Variants in KLHL1 observed in about 807,000 individuals in gnomAD.
The protein encoded by KLHL1 is kelch-like protein 1.
KLHL1 carries 47 observed loss-of-function variants against 77.7 expected under a neutral mutation model. The ratio of observed to expected loss-of-function variants is 0.60; its 90% CI spans 0.48 to 0.77. KLHL1 has a LOEUF of 0.77. Ranked by LOEUF, KLHL1 falls within the 30% of genes least tolerant of loss-of-function variation. The pLI, the probability that KLHL1 is intolerant of heterozygous loss-of-function variation, is 0.00. For missense variants in KLHL1, 925 were observed against 910.8 expected, an observed-to-expected ratio of 1.02 and a Z score of -0.20; for synonymous variants, 360 against 325.2, an observed-to-expected ratio of 1.11 and a Z score of -1.15.
At chr13:69,954,243 G>A (rs1883799048) in intron 3 of KLHL1, among the ~76,000 whole-genome samples, 3 of 151,142 alleles carry the variant, frequency 2.0e-5, no homozygotes. Flanking sequence ...TGGATATCTA[G>A]TGTTAAGTTC....
At chr13:69,845,290 T>C (rs182367769) in intron 5 of KLHL1, among the ~76,000 whole-genome samples, 1 of 151,628 alleles carries the variant, frequency 6.6e-6, no homozygotes, top group Non-Finnish European at 1.5e-5. Context: ...ACATATTTTG[T>C]TGTCTTATAG....
intron 1 of KLHL1, among the ~76,000 whole-genome samples, chr13:70,017,960 G>C (rs1463693048): frequency 6.6e-6 from 1 of 151,962 alleles, no homozygotes; most frequent in Non-Finnish European, 1.5e-5. Flanking sequence ...AAAGAAACGT[G>C]AAAATAAGCG....
intron 7 of KLHL1, among the ~76,000 whole-genome samples, chr13:69,790,012 G>GTAA (rs1876792232): frequency 6.6e-6 from 1 of 152,038 alleles, no homozygotes; most frequent in Non-Finnish European, 1.5e-5. Context: ...TCACCGAGAT[G>GTAA]TAATTGTGGT....
At chr13:69,809,215 T>C (rs925670613) in intron 6 of KLHL1, among the ~76,000 whole-genome samples, 3 of 152,232 alleles carry the variant, frequency 2.0e-5, no homozygotes, top group African/African-American at 4.8e-5. Context: ...AGAGAACTCC[T>C]GCGAGATACT....
chr13:69,839,121 A>T lies in KLHL1; in HGVS notation c.1269T>A (p.Asp423Glu). The change falls in exon 6 of 11, where the codon GAT (aspartate) becomes GAA (glutamate). Residue 423 changes from aspartate to glutamate, a missense_variant. Transcript: ENST00000377844. ...DLENHALFKNDLECQKLILEA... is the reference protein window; with the variant it reads ...DLENHALFKNELECQKLILEA... ...CTAGAATCAGCTTTTGACATTCCAG[A>T]TCATTCTTAAATAATGCATGATTTT... 1 of 1,607,964 alleles carries T rather than the reference A, an allele frequency of 6.2e-7. No homozygotes were observed. Among genetic ancestry groups the T allele is most frequent in the South Asian group, 1.1e-5 (1 of 90,152 alleles).
chr13:70,027,652 G>GTTTTTTTT (rs10667717), intron 1 of KLHL1, among the ~76,000 whole-genome samples: 14,110 of 135,622 alleles, frequency 0.1, 830 homozygotes, highest in African/African-American at 0.11. Flanking sequence ...AATGTAAGTT[G>GTTTTTTTT]TTTTTTTTTT....
At chr13:69,866,946 C>T (rs972764400) in intron 5 of KLHL1, among the ~76,000 whole-genome samples, 11 of 151,870 alleles carry the variant, frequency 7.2e-5, no homozygotes, top group East Asian at 5.8e-4. Context: ...TAAATTATCA[C>T]GTTTAATCAT....
chr13:70,099,796 G>A (rs886335241), intron 1 of KLHL1, among the ~76,000 whole-genome samples: 17 of 151,880 alleles, frequency 1.1e-4, no homozygotes, highest in South Asian at 4.2e-4. Flanking sequence ...AACAGCTTTC[G>A]TTAAACTAAG....
rs538804510 is a variant in KLHL1 at position 69,790,106 on chromosome 13, A to AAAAG, written c.1639+6628_1639+6631dup. 2.0e-5 allele frequency among the ~76,000 whole-genome samples: 3 copies of AAAAG among 152,246 alleles called. No individual in the cohort carries two copies. In the South Asian group the frequency reaches 6.2e-4, roughly 32 times the overall value. ...TTTCTAAGCTAACCATTATGTTTCC[A>AAAAG]AAAGATTCCTCTTATTTATGGATCA... On this transcript the variant is annotated intron_variant, in intron 7 of 10. Transcript: ENST00000377844.
chr13:69,720,697 T>C (rs1289498060), intron 8 of KLHL1, among the ~76,000 whole-genome samples: 1 of 151,500 alleles, frequency 6.6e-6, no homozygotes, highest in African/African-American at 2.4e-5. Context: ...GTGGTAGTGA[T>C]TGGAGGTGAG....
intron 1 of KLHL1, among the ~76,000 whole-genome samples, chr13:69,996,068 G>T (rs1885143011): frequency 6.6e-6 from 1 of 152,234 alleles, no homozygotes; most frequent in East Asian, 1.9e-4. Flanking sequence ...ACTTTGGGAG[G>T]TCAATGCGGG....
chr13:69,719,195 TGTGTGTGTGTGTGTGAGAGAGAGA>T (rs1467168676), intron 9 of KLHL1, among the ~76,000 whole-genome samples, 150 bp downstream of exon 9: 4 of 132,390 alleles, frequency 3.0e-5, no homozygotes, highest in Admixed American at 1.5e-4. Flanking sequence ...TGTGTGTGTG[TGTGTGTGTGTGTGTGAGAGAGAGA>T]GAGAGAGAGA....
At chr13:70,075,706 A>G (rs1887253078) in intron 1 of KLHL1, among the ~76,000 whole-genome samples, 1 of 143,578 alleles carries the variant, frequency 7.0e-6, no homozygotes, top group South Asian at 2.1e-4. Flanking sequence ...TATATATGAA[A>G]ATTAAACCTG....
chr13:69,776,676 A>C (rs1380716507), intron 7 of KLHL1, among the ~76,000 whole-genome samples: 2 of 152,224 alleles, frequency 1.3e-5, no homozygotes, highest in Admixed American at 1.3e-4. Flanking sequence ...TGCAGGTTAA[A>C]GGCATTTGTT....
intron 9 of KLHL1, among the ~76,000 whole-genome samples, chr13:69,709,478 A>C (rs574708627): frequency 1.2e-4 from 19 of 152,212 alleles, no homozygotes; most frequent in African/African-American, 4.6e-4. Flanking sequence ...AATGCGAGTT[A>C]GAAATATAAC....
chr13:69,719,373 C>A lies in KLHL1; in HGVS notation c.2011G>T (p.Glu671Ter). ...ACAGTGTCCTTGGGGTCTTACCTTT[C>A]TACATAATCCAGTAGCCGGGAACAG... ...NHCSRLLDYV[E>*]RYDPKTDTWT... Residue 671 changes from glutamate (E) to a stop codon, truncating the protein, a stop_gained, in exon 9 of 11, where the codon GAA (glutamate) becomes TAA (stop). Coordinates refer to ENST00000377844, the MANE Select transcript of KLHL1 (RefSeq NM_020866.3). LOFTEE classifies it high-confidence loss of function. 1 of 1,613,012 alleles carries A rather than the reference C, an allele frequency of 6.2e-7. No individual in the cohort carries two copies. Among genetic ancestry groups the A allele is most frequent in the Non-Finnish European group, 8.5e-7 (1 of 1,179,298 alleles).
chr13:70,097,887 GTT>G (rs3072589), intron 1 of KLHL1, among the ~76,000 whole-genome samples: 29,884 of 144,062 alleles, frequency 0.21, 3,248 homozygotes, highest in South Asian at 0.36. Context: ...TTTCCTTTCT[GTT>G]TTTTTTTTTT....
intron 5 of KLHL1, among the ~76,000 whole-genome samples, chr13:69,856,623 G>A (rs1440950051): frequency 2.0e-5 from 3 of 151,924 alleles, no homozygotes; most frequent in Non-Finnish European, 4.4e-5. Context: ...TCATCTGTCT[G>A]TTAAAAACTT....
intron 6 of KLHL1, among the ~76,000 whole-genome samples, chr13:69,819,752 C>T (rs10507773): frequency 0.062 from 9,500 of 152,202 alleles, 474 homozygotes; most frequent in African/African-American, 0.14. Context: ...GATTTCCTTA[C>T]CTAGGCTCTG....
Sources: allele counts gnomAD v4.1 joint callset (sites outside exome capture counted in the v4.1 genomes callset), GRCh38; gene constraint gnomAD v4.1.1; transcripts MANE v1.5; gene names NCBI Gene and HGNC (gene_info 2026-07-23, HGNC 2026-07-21).